Variants in PCDHGA8 observed in about 807,000 individuals in gnomAD.
PCDHGA8 encodes the protein protocadherin gamma subfamily A, 8.
In PCDHGA8, 45 loss-of-function variants were observed where a neutral mutation model predicts 59.2. That is an observed-to-expected ratio of 0.76 (90% CI 0.60 to 0.98). The LOEUF (loss-of-function observed/expected upper bound fraction) is 0.98, where lower values mean the gene tolerates loss of function less well. Ranked by LOEUF, PCDHGA8 falls within the 50% of genes least tolerant of loss-of-function variation. The pLI is 0.00. For missense variants in PCDHGA8, 1,257 were observed against 1,196.2 expected (o/e 1.05, Z -0.75); for synonymous variants, 531 against 519.0 (o/e 1.02, Z -0.32).
chr5:141,427,105 A>C (rs1413188668), intron 1 of PCDHGA8: 1 of 457,776 alleles, frequency 2.2e-6, no homozygotes, highest in Non-Finnish European at 4.4e-6. Flanking sequence ...GTCAATGCGG[A>C]GATCACCTAC....
chr5:141,477,777 A>G lies in PCDHGA8; in HGVS notation c.2425-17030A>G, dbSNP rs775845004. ...GTCCTAGCCACCAACATCAGCGTGA[A>G]CATATTTGTCACTGATCGCAATGAC... is the stretch of plus-strand genomic sequence containing the variant. On this transcript the variant is annotated intron_variant, in intron 1 of 3. Transcript: ENST00000398604. The surrounding 1 kb of genome is among the most constrained non-coding windows in gnomAD (Gnocchi z 4.9). The G allele has an allele frequency of 1.9e-4, 299 of 1,613,944 alleles. No homozygotes were observed. Among genetic ancestry groups the G allele is most frequent in the Non-Finnish European group, 2.5e-4 (295 of 1,180,048 alleles).
At chr5:141,475,840 A>G (rs1039073157) in intron 1 of PCDHGA8, 2 of 434,770 alleles carry the variant, frequency 4.6e-6, no homozygotes, top group Non-Finnish European at 8.2e-6. Context: ...TGTCCTGCTC[A>G]GAGAGCCCGG....
Position 141,485,567 on chromosome 5 carries a change from C to G in PCDHGA8, c.2425-9240C>G. The stretch of plus-strand genomic sequence containing the variant: ...CGTAGATGTGAATGATCACGCCCCC[C>G]GTTTTCCGCGGCAGCAGCTGGACTT... On this transcript the variant is annotated intron_variant, in intron 1 of 3. Transcript: ENST00000398604. This position sits in a 1 kb window ranked among gnomAD's most constrained non-coding sequence, Gnocchi z 5.7. 1 of 1,612,882 alleles carries G rather than the reference C, an allele frequency of 6.2e-7. No individual in the cohort carries two copies. The highest frequency in any genetic ancestry group is 8.5e-7 in the Non-Finnish European group (1 of 1,178,978).
chr5:141,502,864 G>GGCTTTTTT (rs2099816401), intron 2 of PCDHGA8, among the ~76,000 whole-genome samples: 1 of 61,572 alleles, frequency 1.6e-5, no homozygotes, highest in Non-Finnish European at 3.0e-5. Flanking sequence ...CTGACTCTCT[G>GGCTTTTTT]TCTTTTTTTT....
intron 1 of PCDHGA8, chr5:141,403,838 G>C: frequency 6.2e-7 from 1 of 1,613,710 alleles, no homozygotes; most frequent in Non-Finnish European, 8.5e-7. Context: ...CCAGCTTAAT[G>C]AAAATACTGG....
At chr5:141,480,398 G>C (rs2099518275) in intron 1 of PCDHGA8, among the ~76,000 whole-genome samples, 1 of 149,050 alleles carries the variant, frequency 6.7e-6, no homozygotes, top group Non-Finnish European at 1.5e-5. Context: ...CATGGCAATA[G>C]AGTGAGACCC....
At chr5:141,424,762 A>T (rs1002777641) in intron 1 of PCDHGA8, 8 of 152,124 alleles carry the variant, frequency 5.3e-5, no homozygotes, top group African/African-American at 1.9e-4. Context: ...GGTCATTCTT[A>T]TGGCAAATAG....
chr5:141,447,689 AG>A lies in PCDHGA8; in HGVS notation c.2425-47115del, dbSNP rs145694922. ...TTAGAACTGTTCCATATCTTGATAGAGGGATGGGTTATAAGGATGTACACAT... is the reference window on the plus strand; with the variant it reads ...TTAGAACTGTTCCATATCTTGATAGAGGATGGGTTATAAGGATGTACACAT... On this transcript the variant is annotated intron_variant, in intron 1 of 3. Coordinates refer to ENST00000398604, the MANE Select transcript of PCDHGA8 (RefSeq NM_032088.2). Among the ~76,000 whole-genome samples the A allele has an allele frequency of 4.6e-3, 694 of 152,302 alleles. 4 individuals are homozygous for A. The highest frequency in any genetic ancestry group is 0.015 in the African/African-American group (633 of 41,566).
chr5:141,484,709 C>G (rs1223957454), intron 1 of PCDHGA8, among the ~76,000 whole-genome samples: 1 of 151,072 alleles, frequency 6.6e-6, no homozygotes, highest in Non-Finnish European at 1.5e-5. Context: ...TTTTCCCCGC[C>G]GAAAAGGGGC....
chr5:141,394,022 A>G lies in PCDHGA8; in HGVS notation c.1209A>G (p.Arg403=), dbSNP rs1210359800. 1 of 1,613,552 alleles carries G rather than the reference A, an allele frequency of 6.2e-7. No individual in the cohort carries two copies. The highest frequency in any genetic ancestry group is 1.1e-5 in the South Asian group (1 of 91,024). Reference sequence around the variant, plus strand: ...AAAAGTCAATAGGTAATTATTATAGATTAGTGACAAGGAAATATTTGGACC... The same window carrying G: ...AAAAGTCAATAGGTAATTATTATAGGTTAGTGACAAGGAAATATTTGGACC... ...KLEKSIGNYY[R]LVTRKYLDRE... The change falls in exon 1 of 4, where the codon AGA becomes AGG. Residue 403 remains arginine (R), a synonymous_variant. Coordinates refer to ENST00000398604, the MANE Select transcript of PCDHGA8 (RefSeq NM_032088.2).
Position 141,491,756 on chromosome 5 carries a change from C to T in PCDHGA8, c.2425-3051C>T. The T allele has an allele frequency of 1.3e-6, 2 of 1,581,720 alleles. No individual in the cohort carries two copies. Among genetic ancestry groups the T allele is most frequent in the Non-Finnish European group, 8.6e-7 (1 of 1,165,100 alleles). ...CCTGGGGGCGGCACTGGAGAAGCCG[C>T]CCGTCCTCATAAGGGATTGAACTTG... On this transcript the variant is annotated intron_variant, in intron 1 of 3. Coordinates refer to ENST00000398604, the MANE Select transcript of PCDHGA8 (RefSeq NM_032088.2). This position sits in a 1 kb window ranked among gnomAD's most constrained non-coding sequence, Gnocchi z 6.9.
intron 1 of PCDHGA8, among the ~76,000 whole-genome samples, chr5:141,492,530 C>A (rs1595123138): frequency 1.3e-5 from 2 of 152,246 alleles, no homozygotes; most frequent in South Asian, 2.1e-4. Flanking sequence ...CCCACCTGCG[C>A]CCCGGGCTGG....
At chr5:141,419,279 G>C in intron 1 of PCDHGA8, 1 of 1,614,042 alleles carries the variant, frequency 6.2e-7, no homozygotes, top group South Asian at 1.1e-5. Flanking sequence ...CATAGCGCAA[G>C]TCAGTGCCTC....
chr5:141,408,022 G>A (rs915978239), intron 1 of PCDHGA8: 1 of 1,056,122 alleles, frequency 9.5e-7, no homozygotes, highest in Non-Finnish European at 1.3e-6. Context: ...GCCAACAACA[G>A]AAAGAAGAAA....
intron 1 of PCDHGA8, chr5:141,417,894 G>A (rs751319373): frequency 1.3e-5 from 21 of 1,573,688 alleles, no homozygotes; most frequent in African/African-American, 2.7e-5. Context: ...CGCCGGGCCG[G>A]CCCGCGGCAG....
chr5:141,502,062 A>G (rs530211521), intron 2 of PCDHGA8, among the ~76,000 whole-genome samples: 2 of 152,146 alleles, frequency 1.3e-5, no homozygotes, highest in South Asian at 4.2e-4. Flanking sequence ...TATTCCCATT[A>G]GCCCCCTTCA....
chr5:141,493,983 A>G lies in PCDHGA8; in HGVS notation c.2425-824A>G, dbSNP rs2099751203. Among the ~76,000 whole-genome samples the G allele has an allele frequency of 6.6e-6, 1 of 152,194 alleles. No homozygotes were observed. The highest frequency in any genetic ancestry group is 6.5e-5 in the Admixed American group (1 of 15,278). ...TGGCTGGCCAGAGCCCCACACCTTC[A>G]GCTAGGTGGGAGATGGCTACACATC... On this transcript the variant is annotated intron_variant, in intron 1 of 3. Coordinates refer to ENST00000398604, the MANE Select transcript of PCDHGA8 (RefSeq NM_032088.2). The surrounding 1 kb of genome is among the most constrained non-coding windows in gnomAD (Gnocchi z 4.3).
At chr5:141,419,922 T>C (rs761868361) in intron 1 of PCDHGA8, 1 of 1,614,090 alleles carries the variant, frequency 6.2e-7, no homozygotes, top group South Asian at 1.1e-5. Flanking sequence ...CAGGCTGAGA[T>C]GCAGTTTTAC....
rs2099883868 is a variant in PCDHGA8 at position 141,511,590 on chromosome 5, A to G, written c.*417A>G. On this transcript the variant is annotated 3_prime_UTR_variant, in exon 4 of 4. Transcript: ENST00000398604. The stretch of plus-strand genomic sequence containing the variant: ...AGTAAGGTGGTTGGGGTGTTGAAGT[A>G]CCAAGTAACCTACAAGCCTCCTAGT... 3.7e-6 allele frequency: 1 copy of G among 267,908 alleles called. No individual in the cohort carries two copies. The highest frequency in any genetic ancestry group is 7.4e-6 in the Non-Finnish European group (1 of 135,038). 16.6% of individuals were successfully genotyped at this position (267,908 alleles called of 1,614,324 possible). A position where few individuals can be genotyped will look rare whatever the true frequency, so the allele number is the denominator to read the frequency against.
Sources: gnomAD v4.1 joint callset for allele counts (sites outside exome capture counted in the v4.1 genomes callset) on GRCh38, gnomAD v4.1.1 for gene constraint, Gnocchi (gnomAD v3.1) non-coding constraint, MANE v1.5 for transcripts, NCBI Gene and HGNC (gene_info 2026-07-23, HGNC 2026-07-21) for gene names.